The following MACROD2 variants were observed in gnomAD, a reference collection of about 807,000 sequenced individuals.
The protein encoded by MACROD2 is mono-ADP ribosylhydrolase 2.
In MACROD2, 36 loss-of-function variants were observed where a neutral mutation model predicts 70.4. The ratio of observed to expected loss-of-function variants is 0.51; its 90% confidence interval spans 0.39 to 0.68. The LOEUF (loss-of-function observed/expected upper bound fraction) is 0.68. Among genes scored for constraint, MACROD2 ranks in the 30% least tolerant of loss-of-function variants. The pLI is 0.00. For missense variants in MACROD2, 496 were observed against 538.4 expected (o/e 0.92, Z 0.78); for synonymous variants, 172 against 178.8 (o/e 0.96, Z 0.30).
intron 3 of MACROD2, among the ~76,000 whole-genome samples, chr20:14,287,772 T>A (rs1004817613): frequency 6.6e-6 from 1 of 152,074 alleles, no homozygotes; most frequent in Admixed American, 6.6e-5. Context: ...GTATTAAGTT[T>A]CTTGTGATTG....
chr20:15,781,329 A>G (rs73900238), intron 8 of MACROD2, among the ~76,000 whole-genome samples: 4,537 of 152,294 alleles, frequency 0.03, 171 homozygotes, highest in African/African-American at 0.091. Context: ...TGTTTTAACA[A>G]TGGTTTCAGT....
intron 8 of MACROD2, among the ~76,000 whole-genome samples, chr20:15,502,843 T>G (rs955942930): frequency 6.6e-6 from 1 of 152,180 alleles, no homozygotes; most frequent in African/African-American, 2.4e-5. Flanking sequence ...TTGTACGTCT[T>G]GAGTCAGCAG....
chr20:14,506,689 G>A (rs1266297137), intron 4 of MACROD2, among the ~76,000 whole-genome samples: 7 of 152,088 alleles, frequency 4.6e-5, no homozygotes, highest in Non-Finnish European at 2.9e-5. Context: ...GGTGGGTCAC[G>A]CCTGTAATCC....
At chr20:15,052,130 GC>G in intron 5 of MACROD2, among the ~76,000 whole-genome samples, 1 of 152,218 alleles carries the variant, frequency 6.6e-6, no homozygotes, top group African/African-American at 2.4e-5. Flanking sequence ...CTCATTCTGT[GC>G]TTGCTGCATT....
At chr20:14,333,541 T>C (rs1054659549) in intron 3 of MACROD2, among the ~76,000 whole-genome samples, 4 of 152,140 alleles carry the variant, frequency 2.6e-5, no homozygotes, top group Non-Finnish European at 5.9e-5. Context: ...GGGGCATGCT[T>C]TAAATTTGTG....
intron 3 of MACROD2, among the ~76,000 whole-genome samples, chr20:14,321,884 A>G (rs542919597): frequency 1.3e-5 from 2 of 152,266 alleles, no homozygotes; most frequent in South Asian, 2.1e-4. Context: ...GATTAAATGC[A>G]GTTACAAATG....
chr20:15,955,401 A>ACCC (rs2065962349), intron 12 of MACROD2, among the ~76,000 whole-genome samples: 1 of 152,150 alleles, frequency 6.6e-6, no homozygotes, highest in Non-Finnish European at 1.5e-5. Context: ...TAGCTGTTAC[A>ACCC]AATGTACCAT....
chr20:15,352,192 C>A (rs1719829456), intron 6 of MACROD2, among the ~76,000 whole-genome samples: 1 of 152,126 alleles, frequency 6.6e-6, no homozygotes, highest in African/African-American at 2.4e-5. Context: ...AGGATGAGAG[C>A]AGTGCAGAAT....
At chr20:15,716,504 C>T (rs908547474) in intron 8 of MACROD2, among the ~76,000 whole-genome samples, 1 of 152,308 alleles carries the variant, frequency 6.6e-6, no homozygotes, top group African/African-American at 2.4e-5. Flanking sequence ...GGTTAGTTTT[C>T]AGGAGATTAG....
chr20:15,330,785 T>C (rs6079756), intron 6 of MACROD2, among the ~76,000 whole-genome samples: 42,403 of 151,390 alleles, frequency 0.28, 7,198 homozygotes, highest in Non-Finnish European at 0.39. Flanking sequence ...TTCTCTATAA[T>C]ATTGTGGAAT....
At chr20:14,707,095 A>T (rs2071278400) in intron 5 of MACROD2, among the ~76,000 whole-genome samples, 1 of 152,158 alleles carries the variant, frequency 6.6e-6, no homozygotes, top group Non-Finnish European at 1.5e-5. Flanking sequence ...CAGATTTTAT[A>T]AAATTGTTTA....
chr20:15,008,216 C>T (rs75526095), intron 5 of MACROD2, among the ~76,000 whole-genome samples: 1 of 152,180 alleles, frequency 6.6e-6, no homozygotes, highest in Non-Finnish European at 1.5e-5. Context: ...CTTAGTGGCT[C>T]ACATCTGTAA....
intron 4 of MACROD2, among the ~76,000 whole-genome samples, chr20:14,634,752 G>T (rs914252305): frequency 6.6e-6 from 1 of 152,328 alleles, no homozygotes; most frequent in Middle Eastern, 3.4e-3. Context: ...AATAGGCATA[G>T]CATGTTTAAA....
chr20:15,874,925 G>A (rs2064646651), intron 9 of MACROD2, among the ~76,000 whole-genome samples: 1 of 152,124 alleles, frequency 6.6e-6, no homozygotes, highest in South Asian at 2.1e-4. Context: ...GTCATCAAGA[G>A]AGTTCTTAAA....
chr20:14,307,958 C>G (rs966664824), intron 3 of MACROD2, among the ~76,000 whole-genome samples: 9 of 152,044 alleles, frequency 5.9e-5, no homozygotes, highest in Non-Finnish European at 1.2e-4. Flanking sequence ...GCAAAGCAAA[C>G]AATTTTGACA....
At chr20:14,965,660 C>A (rs2423877) in intron 5 of MACROD2, among the ~76,000 whole-genome samples, 3 of 148,918 alleles carry the variant, frequency 2.0e-5, no homozygotes, top group Non-Finnish European at 3.0e-5. Flanking sequence ...AGTAGAGACG[C>A]GGTTTCACTG....
chr20:14,441,044 G>A (rs766333953), intron 3 of MACROD2, among the ~76,000 whole-genome samples: 8 of 152,150 alleles, frequency 5.3e-5, no homozygotes, highest in Non-Finnish European at 1.0e-4. Flanking sequence ...GTGATTACGG[G>A]AAATTCTGCC....
intron 4 of MACROD2, among the ~76,000 whole-genome samples, chr20:14,675,054 G>T (rs753460817): frequency 3.3e-5 from 5 of 152,016 alleles, no homozygotes; most frequent in Non-Finnish European, 7.4e-5. Context: ...ACAAGAAGGA[G>T]ACAAAGACCA....
rs546807132 is a variant in MACROD2, at chr20:15,106,086, A to G, written c.419-123854A>G. Reference sequence around the variant, plus strand: ...ACTGCTTTGCACCCCATAAATACATACAACTATAATTTGTCAATATATAAT... The same window carrying G: ...ACTGCTTTGCACCCCATAAATACATGCAACTATAATTTGTCAATATATAAT... On this transcript the variant is annotated intron_variant, in intron 5 of 17. Transcript: ENST00000684519. Among the ~76,000 whole-genome samples the G allele has an allele frequency of 2.0e-5, 3 of 152,308 alleles. No homozygotes were observed. In the East Asian group the frequency reaches 5.8e-4, roughly 29 times the overall value.
Sources: allele counts gnomAD v4.1 joint callset (sites outside exome capture counted in the v4.1 genomes callset), GRCh38; gene constraint gnomAD v4.1.1; transcripts MANE v1.5; gene names NCBI Gene and HGNC (gene_info 2026-07-23, HGNC 2026-07-21).